TLR3: variants seen among roughly 807,000 people sequenced by gnomAD.
TLR3 encodes toll-like receptor 3.
TLR3 carries 43 observed loss-of-function variants against 66.4 expected under a neutral mutation model. That is an observed-to-expected ratio of 0.65 (90% CI 0.51 to 0.83). The LOEUF (loss-of-function observed/expected upper bound fraction) is 0.83. Among genes scored for constraint, TLR3 ranks in the 40% least tolerant of loss-of-function variants. The pLI, the probability that TLR3 is intolerant of heterozygous loss-of-function variation, is 0.00. For synonymous variants in TLR3, 397 were observed against 397.2 expected (o/e 1.00, Z 0.01); for missense variants, 982 against 1,044.6 (o/e 0.94, Z 0.83).
intron 1 of TLR3, among the ~76,000 whole-genome samples, chr4:186,072,713 C>G (rs575655929): frequency 6.6e-6 from 1 of 152,302 alleles, no homozygotes; most frequent in Non-Finnish European, 1.5e-5. Context: ...GAACTCTGCC[C>G]CATGAGCCAG....
chr4:186,077,820 T>C (rs907407480), intron 2 of TLR3, among the ~76,000 whole-genome samples: 2 of 102,986 alleles, frequency 1.9e-5, no homozygotes, highest in African/African-American at 6.5e-5. Flanking sequence ...CCTACAATGC[T>C]TTAGAGCACC....
intron 3 of TLR3, among the ~76,000 whole-genome samples, chr4:186,080,717 G>A (rs923069536): frequency 5.3e-5 from 8 of 151,942 alleles, no homozygotes; most frequent in African/African-American, 1.9e-4. Context: ...TCAGCCTCCC[G>A]AGTAGCTGGG....
At chr4:186,077,111 C>A in intron 2 of TLR3, 51 bp downstream of exon 2, 1 of 1,536,724 alleles carries the variant, frequency 6.5e-7, no homozygotes, top group Non-Finnish European at 8.9e-7. Context: ...AGTTACCCAT[C>A]CTTAGACTTA....
Position 186,085,417 on chromosome 4 carries a change from T to A in TLR3, c.*544T>A, listed in dbSNP as rs897723035. 6.5e-6 allele frequency: 1 copy of A among 153,388 alleles called. No homozygotes were observed. The highest frequency in any genetic ancestry group is 1.5e-5 in the Non-Finnish European group (1 of 68,904). The allele number at this position is 153,388 out of a possible 1,614,324, so 9.5% of individuals were successfully genotyped here. A position where few individuals can be genotyped will look rare whatever the true frequency, so the allele number is the denominator to read the frequency against. ...AATGTTAAATATTTTTTAATATACA[T>A]ACCCAAGGGCAGAAAACATTTGCAA... On this transcript the variant is annotated 3_prime_UTR_variant, in exon 5 of 5. Coordinates refer to ENST00000296795, the MANE Select transcript of TLR3 (RefSeq NM_003265.3).
Position 186,085,029 on chromosome 4 carries a change from T to C in TLR3, c.*156T>C, listed in dbSNP as rs1364562411. On this transcript the variant is annotated 3_prime_UTR_variant, in exon 5 of 5. Transcript: ENST00000296795. ...ATTACATCTCTTCTAGGAAAATGTG[T>C]CTCCTTATTTCAGGCCTATTTTTGA... 4 of 671,386 alleles carry C rather than the reference T, an allele frequency of 6.0e-6. No homozygotes were observed. In the African/African-American group the frequency reaches 7.3e-5, roughly 12 times the overall value. The allele number at this position is 671,386 out of a possible 1,614,324, so 41.6% of individuals were successfully genotyped here.
At position 186,076,613 on chromosome 4, in the gene TLR3, C is replaced by A. The variant is rs3775296; in HGVS notation, c.-7C>A. On this transcript the variant is annotated splice_region_variant and 5_prime_UTR_variant, in exon 2 of 5. Transcript: ENST00000296795. Reference sequence around the variant, plus strand: ...ACTTTTTAATGTTTCTTTTCTACAGCAGAATCATGAGACAGACTTTGCCTT... The same window carrying A: ...ACTTTTTAATGTTTCTTTTCTACAGAAGAATCATGAGACAGACTTTGCCTT... 302,171 of 1,612,512 alleles carry A rather than the reference C, an allele frequency of 0.19. 28,787 individuals carry two copies. The highest frequency in any genetic ancestry group is 0.26 in the East Asian group (11,572 of 44,854).
rs2150067694 is a variant in TLR3 at position 186,082,482 on chromosome 4, A to G, written c.796A>G (p.Thr266Ala). Residue 266 changes from threonine (T) to alanine (A), a missense_variant, in exon 4 of 5, where the codon ACA becomes GCA. By Grantham distance (58) the Thr-to-Ala change is moderately conservative. Coordinates refer to ENST00000296795, the MANE Select transcript of TLR3 (RefSeq NM_003265.3). ...SNSQLSTTSN[T>A]TFLGLKWTNL... The stretch of plus-strand genomic sequence containing the variant: ...CAGCCAGCTGTCCACCACCAGCAAT[A>G]CAACTTTCTTGGGACTAAAGTGGAC... The G allele has an allele frequency of 6.2e-7, 1 of 1,614,148 alleles. No individual in the cohort carries two copies. The highest frequency in any genetic ancestry group is 2.2e-5 in the East Asian group (1 of 44,872).
chr4:186,083,727 C>A lies in TLR3; in HGVS notation c.2041C>A (p.Pro681Thr). 1 of 1,612,006 alleles carries A rather than the reference C, an allele frequency of 6.2e-7. No homozygotes were observed. The highest frequency in any genetic ancestry group is 8.5e-7 in the Non-Finnish European group (1 of 1,179,052). ...AAGCCACTACCTTTGCAACACTCCA[C>A]CTCACTATCATGGGTTCCCAGTGAG... ...LSSHYLCNTP[P>T]HYHGFPVRLF... The change falls in exon 4 of 5, where the codon CCT becomes ACT. Residue 681 changes from proline (P) to threonine (T), a missense_variant. Around this residue, in one of 3 missense-constraint regions of TLR3, gnomAD observed 666 missense variants for 709.0 expected, o/e 0.94. Transcript: ENST00000296795. This position sits in a 1 kb window ranked among gnomAD's most constrained non-coding sequence, Gnocchi z 4.0.
Position 186,082,947 on chromosome 4 carries a change from A to G in TLR3, c.1261A>G (p.Lys421Glu), listed in dbSNP as rs765876312. Residue 421 changes from lysine (K) to glutamate (E), a missense_variant, in exon 4 of 5, where the codon AAA (lysine) becomes GAA (glutamate). By Grantham distance (56) the Lys-to-Glu change is moderately conservative. Around this residue, in one of 3 missense-constraint regions of TLR3, gnomAD observed 666 missense variants for 709.0 expected, o/e 0.94. Transcript: ENST00000296795. ...CAACCTAACCAAGAATAAAATCTCAAAAATAGAGAGTGATGCTTTCTCTTG... is the reference window on the plus strand; with the variant it reads ...CAACCTAACCAAGAATAAAATCTCAGAAATAGAGAGTGATGCTTTCTCTTG... ...ILNLTKNKISKIESDAFSWLG... is the reference protein window; with the variant it reads ...ILNLTKNKISEIESDAFSWLG... The G allele has an allele frequency of 8.7e-6, 14 of 1,614,096 alleles. No individual in the cohort carries two copies. The highest frequency in any genetic ancestry group is 1.0e-5 in the Non-Finnish European group (12 of 1,180,044).
chr4:186,082,916 C>T lies in TLR3; in HGVS notation c.1230C>T (p.His410=). The T allele has an allele frequency of 1.2e-6, 2 of 1,614,228 alleles. No individual in the cohort carries two copies. Among genetic ancestry groups the T allele is most frequent in the Non-Finnish European group, 1.7e-6 (2 of 1,180,048 alleles). ...TATCACTTGCTCATTCTCCCTTACA[C>T]ATACTCAACCTAACCAAGAATAAAA... is the stretch of plus-strand genomic sequence containing the variant. ...TFVSLAHSPL[H]ILNLTKNKIS... The change falls in exon 4 of 5, where the codon CAC becomes CAT. Residue 410 remains histidine, a synonymous_variant. Transcript: ENST00000296795.
chr4:186,075,689 T>C (rs1000775304), intron 1 of TLR3, among the ~76,000 whole-genome samples: 1 of 152,238 alleles, frequency 6.6e-6, no homozygotes, highest in East Asian at 1.9e-4. Flanking sequence ...TTACTGACTT[T>C]AGATTTGCTG....
At chr4:186,076,543 A>C in intron 1 of TLR3, 70 bp from the exon 2 acceptor site, 2 of 1,411,070 alleles carry the variant, frequency 1.4e-6, no homozygotes, top group Non-Finnish European at 2.0e-6. Context: ...TTTACAAGGA[A>C]TATACCAATG....
At chr4:186,075,922 G>A (rs879877927) in intron 1 of TLR3, among the ~76,000 whole-genome samples, 1 of 152,216 alleles carries the variant, frequency 6.6e-6, no homozygotes, top group Admixed American at 6.5e-5. Context: ...TTGGGAGGCT[G>A]AAGTGGGCAG....
At chr4:186,076,508 A>C in intron 1 of TLR3, 105 bp from the exon 2 acceptor site, 1 of 1,073,446 alleles carries the variant, frequency 9.3e-7, no homozygotes, top group South Asian at 1.3e-5. Context: ...ATAACATCAT[A>C]CATGGTCATA....
At chr4:186,079,074 T>C in intron 3 of TLR3, 43 bp downstream of exon 3, 2 of 1,517,952 alleles carry the variant, frequency 1.3e-6, no homozygotes, top group Non-Finnish European at 1.8e-6. Context: ...GCCTTTAAGG[T>C]GGATAGTCCC....
Position 186,083,067 on chromosome 4 carries a change from A to C in TLR3, c.1381A>C (p.Ile461Leu). Residue 461 changes from isoleucine (I) to leucine (L), a missense_variant, in exon 4 of 5, where the codon ATC (isoleucine) becomes CTC (leucine). Physicochemically the swap from Ile to Leu is conservative, Grantham distance 5. Coordinates refer to ENST00000296795, the MANE Select transcript of TLR3 (RefSeq NM_003265.3). The surrounding 1 kb of genome is among the most constrained non-coding windows in gnomAD (Gnocchi z 4.0). ...GAGAGGTCTAGAAAATATTTTCGAAATCTATCTTTCCTACAACAAGTACCT... is the reference window on the plus strand; with the variant it reads ...GAGAGGTCTAGAAAATATTTTCGAACTCTATCTTTCCTACAACAAGTACCT... ...EWRGLENIFE[I>L]YLSYNKYLQL... 6.2e-7 allele frequency: 1 copy of C among 1,614,098 alleles called. No individual in the cohort carries two copies. Among genetic ancestry groups the C allele is most frequent in the East Asian group, 2.2e-5 (1 of 44,870 alleles).
At position 186,084,627 on chromosome 4, in the gene TLR3, A is replaced by G. The variant is rs5743319; in HGVS notation, c.2487-18A>G. On this transcript the variant is annotated intron_variant, in intron 4 of 4. Coordinates refer to ENST00000296795, the MANE Select transcript of TLR3 (RefSeq NM_003265.3). ...TTAAAAACCGTATATTAATTCTTCAATACATTTTTTTACTTAGATTCAAGG... is the reference window on the plus strand; with the variant it reads ...TTAAAAACCGTATATTAATTCTTCAGTACATTTTTTTACTTAGATTCAAGG... 6.4e-5 allele frequency: 98 copies of G among 1,526,204 alleles called. No individual in the cohort carries two copies. Among genetic ancestry groups the G allele is most frequent in the Admixed American group, 1.2e-4 (7 of 59,436 alleles). 94.5% of individuals were successfully genotyped at this position (1,526,204 alleles called of 1,614,324 possible). A position where few individuals can be genotyped will look rare whatever the true frequency, so the allele number is the denominator to read the frequency against.
chr4:186,081,172 G>A (rs985970843), intron 3 of TLR3, among the ~76,000 whole-genome samples: 7 of 151,898 alleles, frequency 4.6e-5, no homozygotes, highest in African/African-American at 1.7e-4. Context: ...AGGAGGCTGA[G>A]GCAAGAGAAT....
At chr4:186,081,320 T>C (rs1394519044) in intron 3 of TLR3, among the ~76,000 whole-genome samples, 1 of 151,782 alleles carries the variant, frequency 6.6e-6, no homozygotes, top group Non-Finnish European at 1.5e-5. Context: ...CTCTGGCGGT[T>C]TCGACTGCCT....
Sources: allele counts gnomAD v4.1 joint callset (sites outside exome capture counted in the v4.1 genomes callset), GRCh38; gene constraint gnomAD v4.1.1; regional missense constraint gnomAD v4.1.1; non-coding constraint Gnocchi (gnomAD v3.1); transcripts MANE v1.5; gene names NCBI Gene and HGNC (gene_info 2026-07-23, HGNC 2026-07-21).